Variants in ARHGEF7 observed in about 807,000 individuals in gnomAD.
The protein encoded by ARHGEF7 is Rho guanine nucleotide exchange factor 7.
A neutral mutation model predicts 109.8 loss-of-function variants in ARHGEF7; 33 were observed. That is an observed-to-expected ratio of 0.30 (90% CI 0.23 to 0.40). ARHGEF7 has a LOEUF of 0.40. ARHGEF7 is among the 10% of genes least tolerant of loss of function. The pLI is 1.00. For synonymous variants in ARHGEF7, 458 were observed against 424.6 expected, an observed-to-expected ratio of 1.08 and a Z score of -0.97; for missense variants, 938 against 1,098.5, an observed-to-expected ratio of 0.85 and a Z score of 2.07.
intron 2 of ARHGEF7, among the ~76,000 whole-genome samples, chr13:111,187,418 AAG>A (rs1286421663): frequency 6.6e-6 from 1 of 152,178 alleles, no homozygotes; most frequent in Non-Finnish European, 1.5e-5. Context: ...GAGAGTAGGA[AAG>A]AGAGCGGAGA....
chr13:111,233,709 A>G (rs2086410112), intron 6 of ARHGEF7, among the ~76,000 whole-genome samples: 1 of 152,228 alleles, frequency 6.6e-6, no homozygotes, highest in Non-Finnish European at 1.5e-5. Context: ...TTCTCTTAAT[A>G]TAGTGTTTCC....
chr13:111,127,669 AAAAAG>A (rs57596531), intron 1 of ARHGEF7, among the ~76,000 whole-genome samples: 14,954 of 138,322 alleles, frequency 0.11, 409 homozygotes, highest in Non-Finnish European at 0.15. Context: ...AAAAAAAAAA[AAAAAG>A]AAGGAAGGAA....
intron 1 of ARHGEF7, chr13:111,143,537 C>A (rs541357326): frequency 6.6e-6 from 1 of 152,198 alleles, no homozygotes; most frequent in Non-Finnish European, 1.5e-5. Flanking sequence ...GCCATGCCAT[C>A]ATTTACAGTC....
intron 8 of ARHGEF7, among the ~76,000 whole-genome samples, chr13:111,252,919 C>A (rs2089954622): frequency 6.6e-6 from 1 of 152,236 alleles, no homozygotes; most frequent in Non-Finnish European, 1.5e-5. Context: ...GTTGGCAGTG[C>A]TTTTCGCAGG....
At chr13:111,128,243 C>G (rs2067710839) in intron 1 of ARHGEF7, among the ~76,000 whole-genome samples, 1 of 152,206 alleles carries the variant, frequency 6.6e-6, no homozygotes, top group Non-Finnish European at 1.5e-5. Context: ...CCAAAGCCAT[C>G]TAGATTGAAA....
chr13:111,221,328 T>TA (rs371244009), intron 5 of ARHGEF7, among the ~76,000 whole-genome samples: 4,055 of 13,876 alleles, frequency 0.29, 1,834 homozygotes, highest in East Asian at 0.77. Flanking sequence ...TAGATATATA[T>TA]GTCTATATAT....
At chr13:111,129,706 T>C (rs1207678592) in intron 1 of ARHGEF7, among the ~76,000 whole-genome samples, 1 of 152,162 alleles carries the variant, frequency 6.6e-6, no homozygotes, top group Non-Finnish European at 1.5e-5. Flanking sequence ...ACGGCTGAAA[T>C]CTAACAGAGT....
At chr13:111,126,504 A>AT (rs1033583586) in intron 1 of ARHGEF7, among the ~76,000 whole-genome samples, 12 of 151,956 alleles carry the variant, frequency 7.9e-5, no homozygotes, top group Non-Finnish European at 1.3e-4. Context: ...AAAAAAAAAA[A>AT]GCCTTTAACA....
At chr13:111,227,989 C>A (rs924062628) in intron 5 of ARHGEF7, among the ~76,000 whole-genome samples, 3 of 152,202 alleles carry the variant, frequency 2.0e-5, no homozygotes, top group Non-Finnish European at 2.9e-5. Context: ...TCCCCAAATA[C>A]TTACTTTGGT....
At chr13:111,296,117 G>A (rs752174279) in intron 19 of ARHGEF7, among the ~76,000 whole-genome samples, 3 of 152,100 alleles carry the variant, frequency 2.0e-5, no homozygotes, top group Admixed American at 6.6e-5. Flanking sequence ...GCTGGCACTC[G>A]GGGCCCCAGG....
At chr13:111,286,858 C>T (rs1450879394) in intron 17 of ARHGEF7, among the ~76,000 whole-genome samples, 2 of 152,210 alleles carry the variant, frequency 1.3e-5, no homozygotes, top group Non-Finnish European at 2.9e-5. Context: ...AAGGGGTGCA[C>T]GTGAACAGAT....
intron 1 of ARHGEF7, among the ~76,000 whole-genome samples, chr13:111,136,394 C>G (rs1024036504): frequency 1.3e-5 from 2 of 150,904 alleles, no homozygotes; most frequent in African/African-American, 4.9e-5. Flanking sequence ...AACAAACTGT[C>G]TCTCAGACCA....
intron 1 of ARHGEF7, among the ~76,000 whole-genome samples, chr13:111,146,915 T>C (rs567107202): frequency 2.6e-5 from 4 of 152,214 alleles, no homozygotes; most frequent in Admixed American, 2.6e-4. Flanking sequence ...AAAGGCATAC[T>C]TTGAAGGAAA....
intron 1 of ARHGEF7, chr13:111,143,886 T>A (rs1210423930): frequency 6.6e-6 from 1 of 152,268 alleles, no homozygotes; most frequent in Admixed American, 6.5e-5. Flanking sequence ...CATCTAACAA[T>A]ACTGGGAGAA....
At chr13:111,126,992 G>A (rs1366009281) in intron 1 of ARHGEF7, among the ~76,000 whole-genome samples, 3 of 152,210 alleles carry the variant, frequency 2.0e-5, no homozygotes, top group Non-Finnish European at 4.4e-5. Context: ...CTGAAAGGTG[G>A]TTATTTGAGA....
At chr13:111,130,193 G>T (rs76030546) in intron 1 of ARHGEF7, among the ~76,000 whole-genome samples, 2,265 of 152,292 alleles carry the variant, frequency 0.015, 22 homozygotes, top group Non-Finnish European at 0.024. Context: ...ACAATAGCTG[G>T]GGTAGGAGAA....
At chr13:111,115,999 GC>G (rs1343378505) in intron 1 of ARHGEF7, among the ~76,000 whole-genome samples, 4 of 151,562 alleles carry the variant, frequency 2.6e-5, no homozygotes, top group Admixed American at 6.6e-5. Flanking sequence ...ACGCTAAGTT[GC>G]CCCTCCGCGT....
chr13:111,127,491 A>G (rs1275217264), intron 1 of ARHGEF7, among the ~76,000 whole-genome samples: 1 of 151,790 alleles, frequency 6.6e-6, no homozygotes, highest in African/African-American at 2.4e-5. Flanking sequence ...CCCCATCACT[A>G]CAAAAAATTT....
chr13:111,159,512 AG>A (rs1165142961), intron 2 of ARHGEF7, among the ~76,000 whole-genome samples: 2 of 152,194 alleles, frequency 1.3e-5, no homozygotes, highest in Non-Finnish European at 2.9e-5. Context: ...ACAATGTGCA[AG>A]GCTTATCTTT....
Sources: allele counts gnomAD v4.1 joint callset (sites outside exome capture counted in the v4.1 genomes callset), GRCh38; gene constraint gnomAD v4.1.1; transcripts MANE v1.5; gene names NCBI Gene and HGNC (gene_info 2026-07-23, HGNC 2026-07-21).